The following DAPK1 variants were observed in gnomAD, a reference collection of about 807,000 sequenced individuals.
DAPK1 encodes the protein death-associated protein kinase 1.
Under a neutral mutation model 144.9 loss-of-function variants are expected in DAPK1, and 56 were observed. The observed-to-expected ratio is 0.39, with a 90% CI of 0.31 to 0.48. DAPK1 has a LOEUF of 0.48. Ranked by LOEUF, DAPK1 falls within the 20% of genes least tolerant of loss-of-function variation. DAPK1 has a pLI of 0.95. For synonymous variants in DAPK1, 690 were observed against 749.0 expected, an observed-to-expected ratio of 0.92 and a Z score of 1.29; for missense variants, 1,454 against 1,875.4, an observed-to-expected ratio of 0.78 and a Z score of 4.15.
At chr9:87,592,013 G>A (rs561818685) in intron 2 of DAPK1, among the ~76,000 whole-genome samples, 1 of 152,246 alleles carries the variant, frequency 6.6e-6, no homozygotes, top group Admixed American at 6.5e-5. Context: ...TCCGCTCCAG[G>A]GCCATTGCCA....
chr9:87,700,018 C>T (rs1347388772), intron 23 of DAPK1, 99 bp from the exon 24 acceptor site: 3 of 970,030 alleles, frequency 3.1e-6, no homozygotes, highest in Non-Finnish European at 4.8e-6. Context: ...ACTTTCCTTC[C>T]CTCCTACCAG....
intron 3 of DAPK1, among the ~76,000 whole-genome samples, chr9:87,636,740 G>C (rs1829908867): frequency 6.6e-6 from 1 of 152,224 alleles, no homozygotes; most frequent in Non-Finnish European, 1.5e-5. Context: ...CTTGCCCTAA[G>C]AGAGATAATG....
At chr9:87,700,761 A>G (rs1440030430) in intron 24 of DAPK1, among the ~76,000 whole-genome samples, 1 of 152,142 alleles carries the variant, frequency 6.6e-6, no homozygotes, top group Non-Finnish European at 1.5e-5. Context: ...TCAGCCTCCC[A>G]AAGTGCTGAG....
At chr9:87,529,277 A>T (rs1235053238) in intron 2 of DAPK1, among the ~76,000 whole-genome samples, 1 of 152,184 alleles carries the variant, frequency 6.6e-6, no homozygotes, top group Non-Finnish European at 1.5e-5. Flanking sequence ...AACTTGCCTC[A>T]GTCTCTTCTG....
intron 2 of DAPK1, among the ~76,000 whole-genome samples, chr9:87,551,373 C>T (rs1173034886): frequency 6.6e-6 from 1 of 152,128 alleles, no homozygotes; most frequent in African/African-American, 2.4e-5. Context: ...GTCTCGAACT[C>T]CTGACCTTAT....
intron 9 of DAPK1, among the ~76,000 whole-genome samples, chr9:87,641,291 G>A (rs576949959): frequency 3.9e-5 from 6 of 152,294 alleles, no homozygotes; most frequent in African/African-American, 1.4e-4. Flanking sequence ...AGGGCGCCCT[G>A]GAACATTACA....
At chr9:87,506,560 G>A (rs1022585454) in intron 2 of DAPK1, among the ~76,000 whole-genome samples, 2 of 152,148 alleles carry the variant, frequency 1.3e-5, no homozygotes, top group Non-Finnish European at 2.9e-5. Flanking sequence ...TCTCTGACCC[G>A]TGCACCTACC....
chr9:87,552,485 G>A (rs915365206), intron 2 of DAPK1, among the ~76,000 whole-genome samples: 1 of 152,124 alleles, frequency 6.6e-6, no homozygotes, highest in African/African-American at 2.4e-5. Flanking sequence ...ATTTTCTCTA[G>A]CACCTGGGCA....
chr9:87,523,493 T>A (rs886449187), intron 2 of DAPK1, among the ~76,000 whole-genome samples: 3 of 151,970 alleles, frequency 2.0e-5, no homozygotes, highest in Non-Finnish European at 4.4e-5. Context: ...AGAGAAGAGG[T>A]TTTGCCATGT....
chr9:87,642,109 G>A, intron 10 of DAPK1, 51 bp downstream of exon 10: 1 of 1,481,830 alleles, frequency 6.7e-7, no homozygotes, highest in Non-Finnish European at 9.4e-7. Context: ...CCTGTGTAGA[G>A]TAGTGTGTGG....
chr9:87,660,850 T>C (rs1830820791), intron 18 of DAPK1, among the ~76,000 whole-genome samples: 2 of 152,210 alleles, frequency 1.3e-5, no homozygotes, highest in Admixed American at 1.3e-4. Flanking sequence ...TTTTTTGTTT[T>C]TGTTTCTGTT....
intron 3 of DAPK1, among the ~76,000 whole-genome samples, chr9:87,612,483 C>T (rs1430067731): frequency 6.6e-6 from 1 of 152,138 alleles, no homozygotes; most frequent in Admixed American, 6.5e-5. Flanking sequence ...AGGACCATCC[C>T]TACCAACGTA....
At chr9:87,540,626 A>G (rs980505726) in intron 2 of DAPK1, among the ~76,000 whole-genome samples, 1 of 152,218 alleles carries the variant, frequency 6.6e-6, no homozygotes, top group African/African-American at 2.4e-5. Context: ...TTTGGAATGG[A>G]TCCCCTGTGA....
chr9:87,507,270 T>C (rs761873394), intron 2 of DAPK1, among the ~76,000 whole-genome samples: 6 of 152,214 alleles, frequency 3.9e-5, no homozygotes, highest in Non-Finnish European at 8.8e-5. Flanking sequence ...TGGAATGCAA[T>C]GGCGCTATCT....
intron 3 of DAPK1, among the ~76,000 whole-genome samples, chr9:87,631,026 C>G (rs1472265238): frequency 6.6e-6 from 1 of 152,076 alleles, no homozygotes; most frequent in Non-Finnish European, 1.5e-5. Flanking sequence ...TTCAAGTCAC[C>G]CACCCCTTGA....
At chr9:87,644,896 A>C (rs1298737409) in intron 11 of DAPK1, among the ~76,000 whole-genome samples, 4 of 152,118 alleles carry the variant, frequency 2.6e-5, no homozygotes, top group Non-Finnish European at 5.9e-5. Flanking sequence ...ATTTCTCTTG[A>C]CTTGCACTTT....
chr9:87,614,576 ATCT>A (rs1829032633), intron 3 of DAPK1, among the ~76,000 whole-genome samples: 1 of 152,030 alleles, frequency 6.6e-6, no homozygotes, highest in Non-Finnish European at 1.5e-5. Context: ...CTGATCTCAT[ATCT>A]TCTTCTTCCT....
intron 2 of DAPK1, among the ~76,000 whole-genome samples, chr9:87,523,101 T>G (rs962415779): frequency 1.3e-5 from 2 of 152,344 alleles, no homozygotes; most frequent in East Asian, 3.9e-4. Context: ...AATGTGAAAC[T>G]TGTCATTTTA....
At chr9:87,562,085 G>A (rs1214664386) in intron 2 of DAPK1, among the ~76,000 whole-genome samples, 2 of 152,172 alleles carry the variant, frequency 1.3e-5, no homozygotes, top group Non-Finnish European at 2.9e-5. Flanking sequence ...AGTAATGTGG[G>A]GATTCTCATG....
Sources: allele counts gnomAD v4.1 joint callset (sites outside exome capture counted in the v4.1 genomes callset), GRCh38; gene constraint gnomAD v4.1.1; transcripts MANE v1.5; gene names NCBI Gene and HGNC (gene_info 2026-07-23, HGNC 2026-07-21).